Variants in NCF2 observed in about 807,000 individuals in gnomAD.
The protein encoded by NCF2 is neutrophil cytosol factor 2.
A neutral mutation model predicts 70.9 loss-of-function variants in NCF2; 45 were observed. The observed-to-expected ratio is 0.63, with a 90% confidence interval of 0.50 to 0.81. NCF2 has a LOEUF of 0.81. NCF2 is among the 40% of genes least tolerant of loss of function. The pLI is 0.00. For synonymous variants in NCF2, 203 were observed against 233.6 expected (o/e 0.87, Z 1.19); for missense variants, 522 against 631.6 (o/e 0.83, Z 1.86).
intron 14 of NCF2, among the ~76,000 whole-genome samples, chr1:183,557,086 A>G (rs1424316013): frequency 6.6e-6 from 1 of 152,232 alleles, no homozygotes; most frequent in African/African-American, 2.4e-5. Flanking sequence ...TAAAAAATAT[A>G]TTCAGACTTC....
chr1:183,585,796 T>C (rs1027943719), intron 2 of NCF2, among the ~76,000 whole-genome samples: 18 of 152,090 alleles, frequency 1.2e-4, no homozygotes, highest in Non-Finnish European at 2.2e-4. Context: ...TTGTGCAGGA[T>C]GAGAGGGAGG....
At chr1:183,580,270 G>A (rs980056768) in intron 2 of NCF2, among the ~76,000 whole-genome samples, 2 of 152,340 alleles carry the variant, frequency 1.3e-5, no homozygotes, top group African/African-American at 4.8e-5. Flanking sequence ...CATTCTTTAA[G>A]TAGCAATGGG....
At chr1:183,583,496 T>C (rs985038785) in intron 2 of NCF2, among the ~76,000 whole-genome samples, 1 of 152,246 alleles carries the variant, frequency 6.6e-6, no homozygotes, top group Non-Finnish European at 1.5e-5. Flanking sequence ...TTCCCCTTTT[T>C]AATTTATAAG....
chr1:183,558,163 C>T (rs1671876772), intron 14 of NCF2, among the ~76,000 whole-genome samples: 1 of 152,030 alleles, frequency 6.6e-6, no homozygotes, highest in Non-Finnish European at 1.5e-5. Flanking sequence ...CATGAGCCAC[C>T]ACGCCCAGCC....
At chr1:183,572,783 C>G (rs568201520) in intron 5 of NCF2, among the ~76,000 whole-genome samples, 16 of 152,226 alleles carry the variant, frequency 1.1e-4, no homozygotes, top group Admixed American at 3.3e-4. Context: ...AGGCTGGTCT[C>G]AAACTCCTGG....
chr1:183,585,244 T>C (rs1418463787), intron 2 of NCF2, among the ~76,000 whole-genome samples: 1 of 152,134 alleles, frequency 6.6e-6, no homozygotes, highest in East Asian at 1.9e-4. Context: ...TGTCTGGACA[T>C]TGTCTACAAC....
At chr1:183,559,594 C>T (rs149418882) in intron 14 of NCF2, among the ~76,000 whole-genome samples, 15 of 152,244 alleles carry the variant, frequency 9.9e-5, no homozygotes, top group African/African-American at 2.6e-4. Context: ...TGCGGTGGCT[C>T]ATGCCTGTAA....
the NCF2 span, among the ~76,000 whole-genome samples, chr1:183,601,732 C>A: frequency 1.3e-5 from 2 of 152,010 alleles, no homozygotes; most frequent in Non-Finnish European, 2.9e-5. Context: ...GCGGCGGGCA[C>A]CTGTAGTCTC....
chr1:183,599,208 T>A, the NCF2 span, among the ~76,000 whole-genome samples: 1 of 151,786 alleles, frequency 6.6e-6, no homozygotes. Context: ...CATAGCAAGA[T>A]CCCATCTCTA....
intron 2 of NCF2, among the ~76,000 whole-genome samples, chr1:183,581,649 C>T (rs994341641): frequency 2.2e-4 from 33 of 148,530 alleles, no homozygotes; most frequent in African/African-American, 7.9e-4. Context: ...ATTTTTAAAA[C>T]GGGGAAGGGG....
intron 7 of NCF2, among the ~76,000 whole-genome samples, chr1:183,567,850 T>A (rs1454320062): frequency 1.3e-5 from 2 of 152,038 alleles, no homozygotes; most frequent in Non-Finnish European, 2.9e-5. Flanking sequence ...ACAGGGAGCG[T>A]GAGGGATGCA....
chr1:183,579,871 ATTG>A lies in NCF2; in HGVS notation c.258-2167_258-2165del, dbSNP rs753119745. On this transcript the variant is annotated intron_variant, in intron 2 of 14. Coordinates refer to ENST00000367535, the MANE Select transcript of NCF2 (RefSeq NM_000433.4). ...TGGCACACACCATAATTTTTTTACT[ATTG>A]TTTTTGTTGTTTTATTTTCTTTAGC... 4.6e-4 allele frequency among the ~76,000 whole-genome samples: 70 copies of A among 151,458 alleles called. 1 individual carries two copies. Among genetic ancestry groups the A allele is most frequent in the Non-Finnish European group, 8.1e-4 (55 of 67,896 alleles).
intron 3 of NCF2, 79 bp downstream of exon 3, chr1:183,577,520 G>T: frequency 8.5e-7 from 1 of 1,179,460 alleles, no homozygotes. Flanking sequence ...GGTGTCAACA[G>T]ATCACTGTGC....
At chr1:183,558,735 T>C (rs1417977545) in intron 14 of NCF2, among the ~76,000 whole-genome samples, 1 of 151,358 alleles carries the variant, frequency 6.6e-6, no homozygotes, top group Non-Finnish European at 1.5e-5. Flanking sequence ...CAGCTAATTT[T>C]TACATTTTTA....
intron 2 of NCF2, among the ~76,000 whole-genome samples, chr1:183,582,929 T>C (rs1292654118): frequency 6.6e-6 from 1 of 151,960 alleles, no homozygotes; most frequent in Non-Finnish European, 1.5e-5. Flanking sequence ...GTTGGAACTT[T>C]ATAATGACGG....
intron 1 of NCF2, 56 bp from the exon 2 acceptor site, chr1:183,587,033 G>C: frequency 6.6e-7 from 1 of 1,505,520 alleles, no homozygotes; most frequent in Admixed American, 1.7e-5. Flanking sequence ...GGAGGTGTGA[G>C]ATGAGCCACG....
At chr1:183,599,454 CTTTCTTTCTTTCTTT>C in the NCF2 span, among the ~76,000 whole-genome samples, 2 of 88,384 alleles carry the variant, frequency 2.3e-5, no homozygotes, top group South Asian at 6.7e-4. Flanking sequence ...TTCTTTCTTT[CTTTCTTTCTTTCTTT>C]CTTTCTTTCT....
chr1:183,566,965 G>A lies in NCF2; in HGVS notation c.879C>T (p.Tyr293=). 1.9e-6 allele frequency: 3 copies of A among 1,614,190 alleles called. No individual in the cohort carries two copies. Among genetic ancestry groups the A allele is most frequent in the East Asian group, 4.5e-5 (2 of 44,894 alleles). ...GGATCCGCAGCTCAACTGGTTCAAG[G>A]TAGTTGCAGGGAACAAGCCCCTTCT... ...NGQKGLVPCN[Y]LEPVELRIHP... The change falls in exon 9 of 15, where the codon TAC becomes TAT. Residue 293 remains tyrosine (Y), a synonymous_variant. Coordinates refer to ENST00000367535, the MANE Select transcript of NCF2 (RefSeq NM_000433.4).
upstream of NCF2, among the ~76,000 whole-genome samples, chr1:183,591,163 T>A (rs1330113925): frequency 6.6e-6 from 1 of 152,084 alleles, no homozygotes; most frequent in African/African-American, 2.4e-5. Context: ...CCAGGCCGAG[T>A]GGGCAGGCCA....
Sources: allele counts gnomAD v4.1 joint callset (sites outside exome capture counted in the v4.1 genomes callset), GRCh38; gene constraint gnomAD v4.1.1; transcripts MANE v1.5; gene names NCBI Gene and HGNC (gene_info 2026-07-23, HGNC 2026-07-21).